NRXN3: variants seen among roughly 807,000 people sequenced by gnomAD.
NRXN3 encodes the protein neurexin 3.
Under a neutral mutation model 137.6 loss-of-function variants are expected in NRXN3, and 32 were observed. That is an observed-to-expected ratio of 0.23 (90% CI 0.18 to 0.31). The LOEUF (loss-of-function observed/expected upper bound fraction) is 0.31, where lower values mean the gene tolerates loss of function less well. Ranked by LOEUF, NRXN3 falls within the 10% of genes least tolerant of loss-of-function variation. The pLI, the probability that NRXN3 is intolerant of heterozygous loss-of-function variation, is 1.00. For synonymous variants in NRXN3, 798 were observed against 784.5 expected (o/e 1.02, Z -0.29); for missense variants, 1,574 against 2,062.5 (o/e 0.76, Z 4.59).
intron 15 of NRXN3, among the ~76,000 whole-genome samples, chr14:79,234,557 G>A (rs2035286): frequency 0.58 from 86,162 of 149,010 alleles, 25,539 homozygotes; most frequent in Non-Finnish European, 0.66. Flanking sequence ...GCTAAGTTTT[G>A]TATTTTTAGT....
intron 1 of NRXN3, among the ~76,000 whole-genome samples, chr14:78,194,726 G>T (rs1036201874): frequency 5.9e-5 from 9 of 152,196 alleles, no homozygotes; most frequent in African/African-American, 2.2e-4. Context: ...CGGACAGGTG[G>T]CAGTAGTTGC....
chr14:78,495,966 C>T (rs1295699571), intron 4 of NRXN3, among the ~76,000 whole-genome samples: 1 of 152,172 alleles, frequency 6.6e-6, no homozygotes, highest in Non-Finnish European at 1.5e-5. Flanking sequence ...GCATGTTTTA[C>T]TTCTATTTAC....
At chr14:79,691,791 T>C (rs2098717623) in intron 17 of NRXN3, among the ~76,000 whole-genome samples, 1 of 151,986 alleles carries the variant, frequency 6.6e-6, no homozygotes, top group Non-Finnish European at 1.5e-5. Flanking sequence ...GAGGGTCCCG[T>C]CTCACATGTG....
chr14:78,891,236 T>A (rs1183705361), intron 10 of NRXN3, among the ~76,000 whole-genome samples: 1 of 151,946 alleles, frequency 6.6e-6, no homozygotes, highest in Non-Finnish European at 1.5e-5. Flanking sequence ...ATGTATTTAC[T>A]CCTTCAGTAT....
chr14:79,856,149 G>T (rs923248333), intron 20 of NRXN3, among the ~76,000 whole-genome samples: 4 of 152,110 alleles, frequency 2.6e-5, no homozygotes, highest in Non-Finnish European at 5.9e-5. Flanking sequence ...GAGGGAGAAT[G>T]CCCTACCTAG....
At chr14:79,362,203 G>A (rs1482951665) in intron 15 of NRXN3, among the ~76,000 whole-genome samples, 1 of 151,388 alleles carries the variant, frequency 6.6e-6, no homozygotes, top group African/African-American at 2.4e-5. Context: ...ACAACGTGCA[G>A]GATTGTTACA....
At chr14:78,239,753 A>G (rs1483278631) in intron 1 of NRXN3, among the ~76,000 whole-genome samples, 1 of 151,664 alleles carries the variant, frequency 6.6e-6, no homozygotes, top group African/African-American at 2.4e-5. Context: ...GAACAAGTGG[A>G]TGGAGTACAG....
At chr14:78,520,022 C>T (rs1446549009) in intron 4 of NRXN3, among the ~76,000 whole-genome samples, 1 of 152,180 alleles carries the variant, frequency 6.6e-6, no homozygotes, top group Non-Finnish European at 1.5e-5. Context: ...TTTCAAATGC[C>T]TCTGAAACAG....
intron 9 of NRXN3, among the ~76,000 whole-genome samples, chr14:78,807,499 C>G (rs1452630727): frequency 6.6e-6 from 1 of 152,126 alleles, no homozygotes; most frequent in African/African-American, 2.4e-5. Flanking sequence ...AATCCCAGCT[C>G]TTTGGGAGGC....
At chr14:78,277,287 G>A (rs964753468) in intron 2 of NRXN3, among the ~76,000 whole-genome samples, 1 of 152,128 alleles carries the variant, frequency 6.6e-6, no homozygotes, top group Non-Finnish European at 1.5e-5. Context: ...CAAATTAGAG[G>A]CACAGAGAAT....
chr14:78,925,556 C>A (rs2099285812), intron 10 of NRXN3, among the ~76,000 whole-genome samples: 1 of 152,274 alleles, frequency 6.6e-6, no homozygotes, highest in Non-Finnish European at 1.5e-5. Context: ...TTTTGCCAAA[C>A]CCTCCCTATG....
chr14:78,974,877 G>A (rs1427812526), intron 14 of NRXN3, among the ~76,000 whole-genome samples: 1 of 152,132 alleles, frequency 6.6e-6, no homozygotes, highest in African/African-American at 2.4e-5. Context: ...AAGGAAATGA[G>A]GCAGTTGGAA....
At chr14:79,165,596 C>T (rs2061214945) in intron 15 of NRXN3, among the ~76,000 whole-genome samples, 1 of 151,966 alleles carries the variant, frequency 6.6e-6, no homozygotes, top group African/African-American at 2.4e-5. Flanking sequence ...GTCTTTATGT[C>T]ATGATTTAGA....
intron 15 of NRXN3, among the ~76,000 whole-genome samples, chr14:78,991,402 G>A (rs1374094256): frequency 6.6e-6 from 1 of 152,152 alleles, no homozygotes; most frequent in African/African-American, 2.4e-5. Context: ...CAAACAAATT[G>A]TATCCATTTA....
chr14:79,709,231 C>G (rs1400764575), intron 19 of NRXN3, among the ~76,000 whole-genome samples: 1 of 152,170 alleles, frequency 6.6e-6, no homozygotes, highest in East Asian at 1.9e-4. Context: ...GAAATATTTA[C>G]GGTTCCTTGC....
At chr14:78,767,397 G>T (rs2098712472) in intron 8 of NRXN3, among the ~76,000 whole-genome samples, 1 of 152,142 alleles carries the variant, frequency 6.6e-6, no homozygotes. Flanking sequence ...CCATTGTATT[G>T]GTTAAAAGCA....
intron 17 of NRXN3, among the ~76,000 whole-genome samples, chr14:79,679,864 T>C (rs570396030): frequency 7.3e-4 from 111 of 152,306 alleles, no homozygotes; most frequent in African/African-American, 2.6e-3. Context: ...ACATTTACAA[T>C]GTGAATAATA....
intron 4 of NRXN3, among the ~76,000 whole-genome samples, chr14:78,632,104 A>C (rs1453442220): frequency 7.1e-5 from 10 of 141,540 alleles, no homozygotes; most frequent in Admixed American, 2.2e-4. Context: ...ACAGAGCGAG[A>C]CTCCGTCTCA....
chr14:78,399,063 A>G (rs2091796623), intron 4 of NRXN3, among the ~76,000 whole-genome samples: 1 of 152,206 alleles, frequency 6.6e-6, no homozygotes, highest in Admixed American at 6.5e-5. Flanking sequence ...GACTAGAGAT[A>G]GCAGGCCTTC....
Sources: allele counts gnomAD v4.1 joint callset (sites outside exome capture counted in the v4.1 genomes callset), GRCh38; gene constraint gnomAD v4.1.1; transcripts MANE v1.5; gene names NCBI Gene and HGNC (gene_info 2026-07-23, HGNC 2026-07-21).